Variants in RBFOX3 observed in about 807,000 individuals in gnomAD.
The protein encoded by RBFOX3 is RNA binding fox-1 homolog 3.
Under a neutral mutation model 48.7 loss-of-function variants are expected in RBFOX3, and 17 were observed. The ratio of observed to expected loss-of-function variants is 0.35; its 90% CI spans 0.24 to 0.52. The LOEUF (loss-of-function observed/expected upper bound fraction) is 0.52, where lower values mean the gene tolerates loss of function less well. Among genes scored for constraint, RBFOX3 ranks in the 20% least tolerant of loss-of-function variants. The pLI, the probability that RBFOX3 is intolerant of heterozygous loss-of-function variation, is 0.94. For synonymous variants in RBFOX3, 212 were observed against 209.5 expected (o/e 1.01, Z -0.10); for missense variants, 382 against 497.5 (o/e 0.77, Z 2.21).
At chr17:79,189,028 G>T (rs1043624654) in intron 4 of RBFOX3, among the ~76,000 whole-genome samples, 1 of 152,242 alleles carries the variant, frequency 6.6e-6, no homozygotes, top group African/African-American at 2.4e-5. Flanking sequence ...AAGGAAGAGG[G>T]GGGCACTTTG....
At chr17:79,115,183 G>A (rs2033525942) in intron 5 of RBFOX3, among the ~76,000 whole-genome samples, 2 of 152,228 alleles carry the variant, frequency 1.3e-5, no homozygotes, top group Admixed American at 1.3e-4. Flanking sequence ...GCTCGAAGCA[G>A]GGAAGCCAGG....
intron 3 of RBFOX3, among the ~76,000 whole-genome samples, chr17:79,253,096 T>A (rs547683670): frequency 6.6e-6 from 1 of 152,134 alleles, no homozygotes; most frequent in East Asian, 1.9e-4. Flanking sequence ...CTGTTTCAGG[T>A]CCCCCTTCTT....
chr17:79,510,954 C>T (rs1265843884), intron 1 of RBFOX3, among the ~76,000 whole-genome samples: 2 of 152,120 alleles, frequency 1.3e-5, no homozygotes, highest in Admixed American at 6.5e-5. Flanking sequence ...CCCACAGGGC[C>T]GAATGCATCC....
intron 2 of RBFOX3, among the ~76,000 whole-genome samples, chr17:79,435,234 T>C (rs1328113853): frequency 1.3e-5 from 2 of 152,176 alleles, no homozygotes; most frequent in Admixed American, 1.3e-4. Context: ...GTTCTCAGTT[T>C]GGAGTCTCTG....
intron 4 of RBFOX3, among the ~76,000 whole-genome samples, chr17:79,231,551 C>T (rs1039348754): frequency 3.9e-5 from 6 of 152,158 alleles, no homozygotes; most frequent in South Asian, 2.1e-4. Context: ...GAAAATCTGA[C>T]GGAATTGACA....
chr17:79,572,197 C>T (rs1599187015), intron 1 of RBFOX3, among the ~76,000 whole-genome samples: 1 of 152,156 alleles, frequency 6.6e-6, no homozygotes, highest in African/African-American at 2.4e-5. Context: ...TGACACAGAG[C>T]CCCTAACACA....
the RBFOX3 span, among the ~76,000 whole-genome samples, chr17:79,628,182 C>T: frequency 1.3e-5 from 2 of 152,028 alleles, no homozygotes; most frequent in South Asian, 2.1e-4. Flanking sequence ...TTGACCAGGC[C>T]GGAGCCCTGG....
chr17:79,246,683 A>C (rs1276512232), intron 3 of RBFOX3, among the ~76,000 whole-genome samples: 1 of 152,112 alleles, frequency 6.6e-6, no homozygotes, highest in Non-Finnish European at 1.5e-5. Context: ...TGCTGGTGAG[A>C]TCTCAAGACC....
chr17:79,402,768 G>A (rs1049349233), intron 2 of RBFOX3, among the ~76,000 whole-genome samples: 1 of 152,206 alleles, frequency 6.6e-6, no homozygotes, highest in Non-Finnish European at 1.5e-5. Flanking sequence ...TTTGGAGTTG[G>A]ACAGCCCGGG....
rs2077955836 is a variant in RBFOX3 at position 79,477,247 on chromosome 17, A to T, written c.-175+5207T>A. 8.2e-6 allele frequency among the ~76,000 whole-genome samples: 1 copy of T among 121,224 alleles called. No homozygotes were observed. Among genetic ancestry groups the T allele is most frequent in the African/African-American group, 3.1e-5 (1 of 32,610 alleles). 79.5% of individuals were successfully genotyped at this position (121,224 alleles called of 152,430 possible). Reference sequence around the variant, plus strand: ...GGCTCCGTTTCAAAAAAAAATAAATAAAGATAAATTAAAAAAAAAAAAAAA... The same window carrying T: ...GGCTCCGTTTCAAAAAAAAATAAATTAAGATAAATTAAAAAAAAAAAAAAA... On this transcript the variant is annotated intron_variant, in intron 2 of 14. Transcript: ENST00000693108. This position sits in a 1 kb window ranked among gnomAD's most constrained non-coding sequence, Gnocchi z 4.8.
chr17:79,501,085 C>T (rs2082321249), intron 1 of RBFOX3, among the ~76,000 whole-genome samples: 1 of 152,218 alleles, frequency 6.6e-6, no homozygotes, highest in South Asian at 2.1e-4. Context: ...TGGCGTAAAT[C>T]ACTTCCTATT....
chr17:79,433,435 T>C (rs1466983155), intron 2 of RBFOX3, among the ~76,000 whole-genome samples: 2 of 152,226 alleles, frequency 1.3e-5, no homozygotes, highest in African/African-American at 4.8e-5. Context: ...GAAGCAAGTG[T>C]ATTACTCCAC....
At chr17:79,139,243 C>T (rs757706900) in intron 4 of RBFOX3, among the ~76,000 whole-genome samples, 1 of 151,850 alleles carries the variant, frequency 6.6e-6, no homozygotes, top group Non-Finnish European at 1.5e-5. Flanking sequence ...AGGGCCCCCC[C>T]CACCCCGACA....
chr17:79,104,934 T>A (rs2703535), intron 6 of RBFOX3, among the ~76,000 whole-genome samples: 142,388 of 152,162 alleles, frequency 0.94, 66,865 homozygotes, highest in Non-Finnish European at 0.98. Flanking sequence ...ACTGTTCAGG[T>A]CGTTTGGGCC....
rs2065742527 is a variant in RBFOX3, at chr17:79,418,468, G to T, written c.-175+63986C>A. 6.6e-6 allele frequency among the ~76,000 whole-genome samples: 1 copy of T among 152,218 alleles called. No homozygotes were observed. The highest frequency in any genetic ancestry group is 1.5e-5 in the Non-Finnish European group (1 of 68,044). On this transcript the variant is annotated intron_variant, in intron 2 of 14. Transcript: ENST00000693108. The surrounding 1 kb of genome is among the most constrained non-coding windows in gnomAD (Gnocchi z 5.0). ...GATTCACACCGTGCCACGCGAGAAA[G>T]CCGTGTGTGTCAGCCAAGAGCCTGC...
At chr17:79,628,937 T>G in the RBFOX3 span, among the ~76,000 whole-genome samples, 1 of 152,234 alleles carries the variant, frequency 6.6e-6, no homozygotes, top group Admixed American at 6.5e-5. Flanking sequence ...ACCACAGCAG[T>G]GTCCTGAGCT....
chr17:79,506,584 G>A (rs890738339), intron 1 of RBFOX3, among the ~76,000 whole-genome samples: 12 of 152,156 alleles, frequency 7.9e-5, no homozygotes, highest in African/African-American at 1.2e-4. Flanking sequence ...GGCCATGACC[G>A]GGGAGCTGGA....
At chr17:79,096,521 T>G (rs2075289907) in intron 12 of RBFOX3, 132 bp downstream of exon 12, 1 of 769,398 alleles carries the variant, frequency 1.3e-6, no homozygotes, top group Non-Finnish European at 2.1e-6. Flanking sequence ...CGTGGCACCC[T>G]CGCCCTCCTG....
At chr17:79,262,919 C>G (rs1211442205) in intron 3 of RBFOX3, among the ~76,000 whole-genome samples, 6 of 152,258 alleles carry the variant, frequency 3.9e-5, no homozygotes, top group Non-Finnish European at 8.8e-5. Flanking sequence ...TTTCAGGTGG[C>G]CTGGCTGCCA....
Sources: gnomAD v4.1 joint callset for allele counts (sites outside exome capture counted in the v4.1 genomes callset) on GRCh38, gnomAD v4.1.1 for gene constraint, Gnocchi (gnomAD v3.1) non-coding constraint, MANE v1.5 for transcripts, NCBI Gene and HGNC (gene_info 2026-07-23, HGNC 2026-07-21) for gene names.